The following FMO3 variants were observed in gnomAD, a reference collection of about 807,000 sequenced individuals.
FMO3 encodes the protein flavin-containing monooxygenase 3.
In FMO3, 40 loss-of-function variants were observed where a neutral mutation model predicts 39.4. The ratio of observed to expected loss-of-function variants is 1.02; its 90% CI spans 0.79 to 1.32. The LOEUF (loss-of-function observed/expected upper bound fraction) is 1.32. Among genes scored for constraint, FMO3 ranks in the 40% most tolerant of loss-of-function variants. The pLI is 0.00. For synonymous variants in FMO3, 219 were observed against 228.8 expected (o/e 0.96, Z 0.39); for missense variants, 680 against 651.8 (o/e 1.04, Z -0.47).
At position 171,096,644 on chromosome 1, in the gene FMO3, T is replaced by TTTTTTATATTTAA. The variant is rs1557934488; in HGVS notation, c.132+3854_132+3855insTTTTTATATTTAA. Among the ~76,000 whole-genome samples the TTTTTTATATTTAA allele has an allele frequency of 1.3e-4, 11 of 87,548 alleles. No individual in the cohort carries two copies. The East Asian group carries it at 1.4e-3, about 11-fold the overall frequency. The allele number at this position is 87,548 out of a possible 152,430, so 57.4% of individuals were successfully genotyped here. On this transcript the variant is annotated intron_variant, in intron 2 of 8. Coordinates refer to ENST00000367755, the MANE Select transcript of FMO3 (RefSeq NM_001002294.3). ...TAATATACTTTATATATTAAATACATAATATATTTTATATTTAAAATATAT... is the reference window on the plus strand; with the variant it reads ...TAATATACTTTATATATTAAATACATTTTTTATATTTAAAATATATTTTATATTTAAAATATAT...
intron 2 of FMO3, chr1:171,100,452 C>A (rs1040897225): frequency 6.6e-6 from 1 of 152,106 alleles, no homozygotes; most frequent in Non-Finnish European, 1.5e-5. Flanking sequence ...TTTTCCTCCC[C>A]GGTTAAATGG....
chr1:171,114,200 T>C lies in FMO3; in HGVS notation c.1021T>C (p.Ser341Pro). The change falls in exon 7 of 9, where the codon TCT (serine) becomes CCT (proline). Residue 341 changes from serine (S) to proline (P), a missense_variant. Coordinates refer to ENST00000367755, the MANE Select transcript of FMO3 (RefSeq NM_001002294.3). ...TTTTGCCTACCCCTTCCTTGATGAG[T>C]CTATCATCAAAAGCAGAAACAATGA... is the stretch of plus-strand genomic sequence containing the variant. The part of the protein sequence containing the change: ...YSFAYPFLDE[S>P]IIKSRNNEII... 1.2e-6 allele frequency: 2 copies of C among 1,613,706 alleles called. No individual in the cohort carries two copies. Among genetic ancestry groups the C allele is most frequent in the Non-Finnish European group, 1.7e-6 (2 of 1,179,724 alleles).
chr1:171,101,628 G>A (rs1655398606), intron 2 of FMO3: 1 of 465,998 alleles, frequency 2.1e-6, no homozygotes, highest in Non-Finnish European at 4.4e-6. Flanking sequence ...AACTGTTGGA[G>A]CTGTTTACTA....
intron 5 of FMO3, among the ~76,000 whole-genome samples, chr1:171,109,329 C>G (rs1655793586): frequency 6.6e-6 from 1 of 151,928 alleles, no homozygotes; most frequent in Non-Finnish European, 1.5e-5. Context: ...ATTTTAAGGA[C>G]TTGAATGACA....
chr1:171,112,368 G>A lies in FMO3; in HGVS notation c.827+1371G>A, dbSNP rs28363573. ...TCATTCAATGTAAGGGTAGGGCAAG[G>A]AAGGAAGTGAAAGGACCAGTTAAAA... On this transcript the variant is annotated intron_variant, in intron 6 of 8. Transcript: ENST00000367755. Among the ~76,000 whole-genome samples the A allele has an allele frequency of 1.5e-3, 221 of 152,264 alleles. 2 individuals carry two copies. Among genetic ancestry groups the A allele is most frequent in the African/African-American group, 4.9e-3 (203 of 41,566 alleles).
chr1:171,115,750 T>C (rs1656118772), intron 7 of FMO3, among the ~76,000 whole-genome samples: 1 of 152,188 alleles, frequency 6.6e-6, no homozygotes. Context: ...GGACAGTCCA[T>C]ATCCTCAGTC....
Position 171,117,407 on chromosome 1 carries a change from A to G in FMO3, c.1564A>G (p.Ile522Val), listed in dbSNP as rs1183664012. Residue 522 changes from isoleucine (I) to valine (V), a missense_variant, in exon 9 of 9, where the codon ATT (isoleucine) becomes GTT (valine). By Grantham distance (29) the Ile-to-Val change is conservative. Transcript: ENST00000367755. ...FHWLKLFAIP[I>V]LLIAVFLVLT ...TTGGCTGAAGCTCTTTGCAATTCCT[A>G]TTCTGTTAATCGCTGTTTTCCTTGT... 1 of 1,613,420 alleles carries G rather than the reference A, an allele frequency of 6.2e-7. No homozygotes were observed. Among genetic ancestry groups the G allele is most frequent in the South Asian group, 1.1e-5 (1 of 91,024 alleles).
chr1:171,091,286 G>A (rs1012192582), intron 1 of FMO3, among the ~76,000 whole-genome samples: 1 of 151,976 alleles, frequency 6.6e-6, no homozygotes, highest in African/African-American at 2.4e-5. Flanking sequence ...GGTGGGATGG[G>A]TAAATGAAGA....
chr1:171,116,442 C>T (rs16864066), intron 8 of FMO3, among the ~76,000 whole-genome samples, 162 bp downstream of exon 8: 2,659 of 152,246 alleles, frequency 0.017, 84 homozygotes, highest in African/African-American at 0.061. Flanking sequence ...TGAAGACCTA[C>T]GTTGCTTCTG....
intron 7 of FMO3, among the ~76,000 whole-genome samples, chr1:171,115,114 C>T (rs1042232530): frequency 1.3e-5 from 2 of 152,126 alleles, no homozygotes; most frequent in Non-Finnish European, 2.9e-5. Flanking sequence ...TGAAATTTCA[C>T]TCAGGATTCC....
In FMO3 at chr1:171,114,293, G is replaced by C; in HGVS notation, c.1114G>C (p.Val372Leu). 5 of 1,613,922 alleles carry C rather than the reference G, an allele frequency of 3.1e-6. No individual in the cohort carries two copies. Among genetic ancestry groups the C allele is most frequent in the Non-Finnish European group, 4.2e-6 (5 of 1,179,938 alleles). ...GTCAACCATAGCAGTGATTGGCTTT[G>C]TCCAGTCCCTTGGGGCTGCCATTCC... ...EKSTIAVIGF[V>L]QSLGAAIPTV... Residue 372 changes from valine to leucine, a missense_variant, in exon 7 of 9, where the codon GTC becomes CTC. Coordinates refer to ENST00000367755, the MANE Select transcript of FMO3 (RefSeq NM_001002294.3).
In FMO3 at chr1:171,117,145, G is replaced by A. The variant is rs72549332; in HGVS notation, c.1302G>A (p.Met434Ile). 1.2e-4 allele frequency: 191 copies of A among 1,614,010 alleles called. No individual in the cohort carries two copies. Among genetic ancestry groups the A allele is most frequent in the South Asian group, 3.2e-4 (29 of 91,086 alleles). ...ETIQTDYIVY[M>I]DELSSFIGAK... is the part of the protein sequence containing the mutation. ...TACAGACAGATTACATTGTTTATAT[G>A]GATGAACTCTCCTCCTTCATTGGGG... The change falls in exon 9 of 9, where the codon ATG becomes ATA. Residue 434 changes from methionine to isoleucine, a missense_variant. Met to Ile is a conservative substitution (Grantham distance 10). Transcript: ENST00000367755.
At chr1:171,114,645 C>G (rs959922161) in intron 7 of FMO3, among the ~76,000 whole-genome samples, 5 of 152,158 alleles carry the variant, frequency 3.3e-5, no homozygotes, top group African/African-American at 4.8e-5. Flanking sequence ...ACCACCAAAG[C>G]TCACATCCAC....
At position 171,116,205 on chromosome 1, in the gene FMO3, C is replaced by A; in HGVS notation, c.1184-3C>A. 6.3e-7 allele frequency: 1 copy of A among 1,589,530 alleles called. No individual in the cohort carries two copies. The highest frequency in any genetic ancestry group is 8.6e-7 in the Non-Finnish European group (1 of 1,158,160). On this transcript the variant is annotated splice_polypyrimidine_tract_variant and splice_region_variant and intron_variant, in intron 7 of 8. Transcript: ENST00000367755. ...TACCATCGTGTCTTTCCTTCTTTAT[C>A]AGGAACTTGTACTTTGCCTTCTATG...
At chr1:171,092,632 G>A (rs752231929) in intron 1 of FMO3, 21 bp from the exon 2 acceptor site, 3 of 1,613,796 alleles carry the variant, frequency 1.9e-6, no homozygotes, top group Non-Finnish European at 2.5e-6. Flanking sequence ...TACTGGAAAT[G>A]TTCTCTGGGC....
At chr1:171,107,601 C>A in intron 3 of FMO3, 74 bp from the exon 4 acceptor site, 1 of 1,260,942 alleles carries the variant, frequency 7.9e-7, no homozygotes, top group Non-Finnish European at 1.2e-6. Context: ...ACCCACTTTT[C>A]TTTTTTCATA....
chr1:171,092,566 A>T, intron 1 of FMO3, 87 bp from the exon 2 acceptor site: 2 of 1,513,248 alleles, frequency 1.3e-6, no homozygotes, highest in South Asian at 2.3e-5. Context: ...TATTAAGCCA[A>T]AGAGCGAAAT....
chr1:171,107,164 A>T (rs1655679485), intron 3 of FMO3, among the ~76,000 whole-genome samples: 1 of 152,198 alleles, frequency 6.6e-6, no homozygotes, highest in Non-Finnish European at 1.5e-5. Flanking sequence ...AATCTAGTCA[A>T]AGCTACTCAG....
At position 171,092,750 on chromosome 1, in the gene FMO3, T is replaced by C. The variant is rs1654773022; in HGVS notation, c.92T>C (p.Phe31Ser). 4 of 1,613,896 alleles carry C rather than the reference T, an allele frequency of 2.5e-6. No individual in the cohort carries two copies. In the South Asian group the frequency reaches 4.4e-5, roughly 18 times the overall value. Residue 31 changes from phenylalanine to serine, a missense_variant, in exon 2 of 9, where the codon TTT (phenylalanine) becomes TCT (serine). Coordinates refer to ENST00000367755, the MANE Select transcript of FMO3 (RefSeq NM_001002294.3). Reference sequence around the variant, plus strand: ...GAAGAGGGGCTGGAGCCCACCTGCTTTGAGAAGAGCAATGACATTGGGGGC... The same window carrying C: ...GAAGAGGGGCTGGAGCCCACCTGCTCTGAGAAGAGCAATGACATTGGGGGC... ...CLEEGLEPTC[F>S]EKSNDIGGLW...
Sources: allele counts gnomAD v4.1 joint callset (sites outside exome capture counted in the v4.1 genomes callset), GRCh38; gene constraint gnomAD v4.1.1; transcripts MANE v1.5; gene names NCBI Gene and HGNC (gene_info 2026-07-23, HGNC 2026-07-21).